The following PSAP variants were observed in gnomAD, a reference collection of about 807,000 sequenced individuals.
The protein encoded by PSAP is prosaposin.
Under a neutral mutation model 66.0 loss-of-function variants are expected in PSAP, and 25 were observed. The ratio of observed to expected loss-of-function variants is 0.38; its 90% CI spans 0.28 to 0.53. PSAP has a LOEUF of 0.53. PSAP is among the 20% of genes least tolerant of loss of function. The probability of loss-of-function intolerance (pLI) is 0.83; values close to 1 mark genes in which losing one functional copy is unlikely to be tolerated. For missense variants in PSAP, 649 were observed against 668.8 expected, an observed-to-expected ratio of 0.97 and a Z score of 0.33; for synonymous variants, 273 against 258.9, an observed-to-expected ratio of 1.05 and a Z score of -0.52.
chr10:71,834,402 G>A lies in PSAP; in HGVS notation c.144C>T (p.Cys48=). 6.2e-7 allele frequency: 1 copy of A among 1,613,996 alleles called. No individual in the cohort carries two copies. Among genetic ancestry groups the A allele is most frequent in the Non-Finnish European group, 8.5e-7 (1 of 1,180,022 alleles). ...TTGGCTTGTTCCAAACGGTCTGCAG[G>A]CAGTGCTTCACTGCCCCGCAGTCGG... ...TASDCGAVKH[C]LQTVWNKPTV... The change falls in exon 2 of 14, where the codon TGC becomes TGT. Residue 48 remains cysteine, a synonymous_variant. Coordinates refer to ENST00000394936, the MANE Select transcript of PSAP (RefSeq NM_002778.4).
Position 71,817,419 on chromosome 10 carries a change from C to T in PSAP, c.*22G>A. On this transcript the variant is annotated 3_prime_UTR_variant, in exon 14 of 14. Coordinates refer to ENST00000394936, the MANE Select transcript of PSAP (RefSeq NM_002778.4). ...AAAAAAACCAATGCTGTGGTTTCTG[C>T]CAAGATGGAATATTCCTCCTCCTAG... 1 of 1,613,526 alleles carries T rather than the reference C, an allele frequency of 6.2e-7. No homozygotes were observed. Among genetic ancestry groups the T allele is most frequent in the Non-Finnish European group, 8.5e-7 (1 of 1,179,432 alleles).
At position 71,816,585 on chromosome 10, in the gene PSAP, C is replaced by T. The variant is rs1842164087; in HGVS notation, c.*856G>A. On this transcript the variant is annotated 3_prime_UTR_variant, in exon 14 of 14. Transcript: ENST00000394936. ...ATTTATTTGAAAAGGTCAAAAGGAG[C>T]ATCTATGAGACAAGGGAGGGGTGCA... The T allele has an allele frequency of 4.7e-6, 2 of 423,672 alleles. No homozygotes were observed. The highest frequency in any genetic ancestry group is 2.1e-5 in the African/African-American group (1 of 48,652). The allele number at this position is 423,672 out of a possible 1,614,324, so 26.2% of individuals were successfully genotyped here.
intron 3 of PSAP, 36 bp from the exon 4 acceptor site, chr10:71,831,287 C>A: frequency 6.2e-7 from 1 of 1,610,782 alleles, no homozygotes; most frequent in African/African-American, 1.3e-5. Flanking sequence ...TCACGATAGG[C>A]TTTCCTCCCT....
chr10:71,833,948 T>A (rs189353465), intron 2 of PSAP, among the ~76,000 whole-genome samples: 1 of 152,318 alleles, frequency 6.6e-6, no homozygotes, highest in Admixed American at 6.5e-5. Context: ...CCTGAAAAGC[T>A]CAGCATTTAC....
intron 1 of PSAP, among the ~76,000 whole-genome samples, chr10:71,842,759 A>G (rs958679778): frequency 4.6e-5 from 7 of 152,174 alleles, no homozygotes; most frequent in African/African-American, 1.7e-4. Context: ...GTCCCAAACT[A>G]TCATCAACTA....
At chr10:71,832,359 T>C (rs780766505) in intron 2 of PSAP, among the ~76,000 whole-genome samples, 2 of 152,068 alleles carry the variant, frequency 1.3e-5, no homozygotes, top group African/African-American at 4.8e-5. Context: ...CTCCCAGGCA[T>C]GTTAACAAGG....
At position 71,818,698 on chromosome 10, in the gene PSAP, A is replaced by T. The variant is rs1463355958; in HGVS notation, c.1458T>A (p.His486Gln). 1 of 1,614,194 alleles carries T rather than the reference A, an allele frequency of 6.2e-7. No homozygotes were observed. The highest frequency in any genetic ancestry group is 2.2e-5 in the East Asian group (1 of 44,890). ...CLKIGACPSAHKPLLGTEKCI... is the reference protein window; with the variant it reads ...CLKIGACPSAQKPLLGTEKCI... ...ACTTCTCAGTTCCCAACAAGGGCTTATGGGCCGAGGGGCAGGCTCCAATTT... is the reference window on the plus strand; with the variant it reads ...ACTTCTCAGTTCCCAACAAGGGCTTTTGGGCCGAGGGGCAGGCTCCAATTT... The change falls in exon 13 of 14, where the codon CAT (histidine) becomes CAA (glutamine). Residue 486 changes from histidine to glutamine, a missense_variant. Coordinates refer to ENST00000394936, the MANE Select transcript of PSAP (RefSeq NM_002778.4).
intron 1 of PSAP, chr10:71,844,595 G>C (rs1407849543): frequency 6.6e-6 from 1 of 152,230 alleles, no homozygotes; most frequent in Admixed American, 6.5e-5. Context: ...GAACTCAGGA[G>C]GTGGAGGTTG....
At chr10:71,831,805 T>C in intron 3 of PSAP, 41 bp downstream of exon 3, 1 of 1,582,484 alleles carries the variant, frequency 6.3e-7, no homozygotes. Flanking sequence ...CCAGTGCACG[T>C]GCCCGTGGCT....
chr10:71,829,024 C>T lies in PSAP; in HGVS notation c.429G>A (p.Lys143=), dbSNP rs573587297. Residue 143 remains lysine, a synonymous_variant, in exon 5 of 14, where the codon AAG becomes AAA. Transcript: ENST00000394936. Reference sequence around the variant, plus strand: ...TCTGGTGATTCAGCTCTGCTAGGTGCTTCTGGAGAGACTCGCAGAGGTTGA... The same window carrying T: ...TCTGGTGATTCAGCTCTGCTAGGTGTTTCTGGAGAGACTCGCAGAGGTTGA... ...SALNLCESLQ[K]HLAELNHQKQ... is the part of the protein sequence containing the mutation. 1.2e-6 allele frequency: 2 copies of T among 1,614,162 alleles called. No homozygotes were observed. Among genetic ancestry groups the T allele is most frequent in the African/African-American group, 1.3e-5 (1 of 75,020 alleles).
intron 1 of PSAP, among the ~76,000 whole-genome samples, chr10:71,836,349 G>C (rs979819399): frequency 6.6e-6 from 1 of 152,148 alleles, no homozygotes; most frequent in Non-Finnish European, 1.5e-5. Context: ...ATAAATCTCA[G>C]GGGAGCGGTG....
intron 1 of PSAP, among the ~76,000 whole-genome samples, chr10:71,836,593 G>A (rs1029364909): frequency 6.6e-6 from 1 of 152,180 alleles, no homozygotes; most frequent in Non-Finnish European, 1.5e-5. Flanking sequence ...GGAAGGCAGA[G>A]TGATACACAG....
At chr10:71,827,452 C>T (rs1842417700) in intron 6 of PSAP, among the ~76,000 whole-genome samples, 1 of 150,330 alleles carries the variant, frequency 6.7e-6, no homozygotes, top group Non-Finnish European at 1.5e-5. Context: ...AAAGGCCGGG[C>T]GCAGAGACTC....
At chr10:71,836,606 A>T (rs1408948233) in intron 1 of PSAP, among the ~76,000 whole-genome samples, 1 of 152,154 alleles carries the variant, frequency 6.6e-6, no homozygotes, top group Non-Finnish European at 1.5e-5. Flanking sequence ...ATACACAGGG[A>T]AGCCAGAAGA....
intron 4 of PSAP, among the ~76,000 whole-genome samples, chr10:71,830,223 A>G (rs1364891326): frequency 6.6e-6 from 1 of 152,116 alleles, no homozygotes; most frequent in Non-Finnish European, 1.5e-5. Context: ...ATTTTAGCAA[A>G]TAACTCCACC....
intron 1 of PSAP, among the ~76,000 whole-genome samples, chr10:71,848,255 C>A (rs1387872815): frequency 1.3e-5 from 2 of 152,238 alleles, no homozygotes; most frequent in Non-Finnish European, 2.9e-5. Flanking sequence ...ACCTCGGGGG[C>A]TGCTCACTTT....
In PSAP at chr10:71,831,165, G is replaced by C; in HGVS notation, c.336C>G (p.Ser112=). 2 of 1,614,138 alleles carry C rather than the reference G, an allele frequency of 1.2e-6. No homozygotes were observed. The highest frequency in any genetic ancestry group is 1.7e-6 in the Non-Finnish European group (2 of 1,180,016). Residue 112 remains serine, a synonymous_variant, in exon 4 of 14, where the codon TCC becomes TCG. Transcript: ENST00000394936. The part of the protein sequence containing the change: ...MSASCKEIVD[S]YLPVILDIIK... ...TGATGTCCAGGATGACAGGGAGGTA[G>C]GAGTCCACTATCTCCTTGCATGAAG...
At chr10:71,834,267 A>G in intron 2 of PSAP, 105 bp downstream of exon 2, 1 of 1,572,936 alleles carries the variant, frequency 6.4e-7, no homozygotes. Context: ...AGTAAACAAA[A>G]CAAGGCAAGA....
rs1479099243 is a variant in PSAP at position 71,841,743 on chromosome 10, C to T, written c.41-7238G>A. Among the ~76,000 whole-genome samples the T allele has an allele frequency of 2.0e-5, 3 of 152,204 alleles. No individual in the cohort carries two copies. In the South Asian group the frequency reaches 6.2e-4, roughly 32 times the overall value. ...AAAAATGGCCAGGTGCAGTGGCTCA[C>T]GCCTGTAATTCCAGCACTTTGGGAG... On this transcript the variant is annotated intron_variant, in intron 1 of 13. Coordinates refer to ENST00000394936, the MANE Select transcript of PSAP (RefSeq NM_002778.4).
Sources: allele counts gnomAD v4.1 joint callset (sites outside exome capture counted in the v4.1 genomes callset), GRCh38; gene constraint gnomAD v4.1.1; transcripts MANE v1.5; gene names NCBI Gene and HGNC (gene_info 2026-07-23, HGNC 2026-07-21).